ADGRG4: variants seen among roughly 807,000 people sequenced by gnomAD.
The protein encoded by ADGRG4 is G protein-coupled receptor 112.
A neutral mutation model predicts 126.2 loss-of-function variants in ADGRG4; 122 were observed. The observed-to-expected ratio is 0.97, with a 90% CI of 0.83 to 1.12. The LOEUF (loss-of-function observed/expected upper bound fraction) is 1.12. Ranked by LOEUF, ADGRG4 falls within the 50% of genes most tolerant of loss-of-function variation. The pLI, the probability that ADGRG4 is intolerant of heterozygous loss-of-function variation, is 0.00. For missense variants in ADGRG4, 2,481 were observed against 2,251.8 expected, an observed-to-expected ratio of 1.10 and a Z score of -2.06; for synonymous variants, 943 against 838.7, an observed-to-expected ratio of 1.12 and a Z score of -2.15.
intron 10 of ADGRG4, 34 bp from the exon 11 acceptor site, chrX:136,359,258 T>A: frequency 8.5e-7 from 1 of 1,169,985 alleles, no homozygotes; most frequent in Non-Finnish European, 1.1e-6. Context: ...TTGACATAAC[T>A]GCAACAATCT....
intron 7 of ADGRG4, among the ~76,000 whole-genome samples, chrX:136,352,446 G>A (rs2075068491): frequency 1.8e-5 from 2 of 109,908 alleles, no homozygotes; most frequent in Admixed American, 2.0e-4. Context: ...CAAAAGGATT[G>A]CGTGAGCCAA....
chrX:136,370,815 C>G (rs982465210), intron 13 of ADGRG4, among the ~76,000 whole-genome samples: 1 of 111,475 alleles, frequency 9.0e-6, no homozygotes, highest in African/African-American at 3.3e-5. Flanking sequence ...AAAAAGTGGG[C>G]GAGTTAATAT....
At chrX:136,328,177 G>C (rs1443470131) in intron 5 of ADGRG4, among the ~76,000 whole-genome samples, 2 of 110,911 alleles carry the variant, frequency 1.8e-5, no homozygotes, top group East Asian at 2.8e-4. Context: ...GATTCTTTTG[G>C]GGGGAGGCTG....
chrX:136,350,506 G>A, intron 6 of ADGRG4, 73 bp downstream of exon 6: 1 of 1,039,702 alleles, frequency 9.6e-7, no homozygotes, highest in Non-Finnish European at 1.3e-6. Context: ...TCTCCAAAGT[G>A]GCCCGTTCTT....
At chrX:136,305,218 C>T (rs1030809510) in intron 3 of ADGRG4, among the ~76,000 whole-genome samples, 195 bp downstream of exon 3, 2 of 111,902 alleles carry the variant, frequency 1.8e-5, no homozygotes, top group Middle Eastern at 4.6e-3. Flanking sequence ...ACACCTCCTC[C>T]TTCTCCATTC....
intron 5 of ADGRG4, among the ~76,000 whole-genome samples, chrX:136,331,546 AAGG>A (rs1404533032): frequency 8.9e-6 from 1 of 112,362 alleles, no homozygotes; most frequent in East Asian, 2.8e-4. Flanking sequence ...AGCAATGTAT[AAGG>A]GATCTAGTTT....
At chrX:136,413,653 T>A (rs4829597) in intron 24 of ADGRG4, among the ~76,000 whole-genome samples, 15 of 110,405 alleles carry the variant, frequency 1.4e-4, no homozygotes, top group African/African-American at 1.6e-4. Context: ...ACAAACCTAC[T>A]TCTTACAACT....
chrX:136,399,739 A>G, intron 20 of ADGRG4, 109 bp from the exon 21 acceptor site: 4 of 677,546 alleles, frequency 5.9e-6, no homozygotes, highest in Non-Finnish European at 6.5e-6. Context: ...ATAAGCAAAG[A>G]TGAGTAATTC....
At chrX:136,396,610 A>AAGAGAG (rs1193246292) in intron 19 of ADGRG4, among the ~76,000 whole-genome samples, 2 of 101,582 alleles carry the variant, frequency 2.0e-5, no homozygotes, top group African/African-American at 3.6e-5. Flanking sequence ...AAAAAAAAAA[A>AAGAGAG]AGAGAGAGAG....
At chrX:136,363,638 A>AT (rs760657244) in intron 13 of ADGRG4, 43 bp downstream of exon 13, 3 of 887,033 alleles carry the variant, frequency 3.4e-6, no homozygotes, top group Non-Finnish European at 5.0e-6. Flanking sequence ...TGGAACTTCA[A>AT]TTACTTTGCC....
In ADGRG4 at chrX:136,332,091, A is replaced by G. The variant is rs1269155198; in HGVS notation, c.685+8699A>G. On this transcript the variant is annotated intron_variant, in intron 5 of 25. Coordinates refer to ENST00000394143, the MANE Select transcript of ADGRG4 (RefSeq NM_153834.4). ...ACATATGTATACATGTGCCATGCTG[A>G]TGCGCTGCACACACTAACTCGTCAT... 5.6e-5 allele frequency among the ~76,000 whole-genome samples: 6 copies of G among 108,003 alleles called. No homozygotes were observed. In the East Asian group the frequency reaches 1.2e-3, roughly 21 times the overall value. The allele number at this position is 108,003 out of a possible 115,157, so 93.8% of individuals were successfully genotyped here. A position where few individuals can be genotyped will look rare whatever the true frequency, so the allele number is the denominator to read the frequency against.
intron 13 of ADGRG4, among the ~76,000 whole-genome samples, chrX:136,369,560 G>C (rs1476022353): frequency 8.9e-6 from 1 of 112,212 alleles, no homozygotes; most frequent in East Asian, 2.8e-4. Context: ...GGGACTACGT[G>C]AAAGTGAAAT....
At chrX:136,309,952 T>C (rs1205760537) in intron 4 of ADGRG4, among the ~76,000 whole-genome samples, 2 of 111,054 alleles carry the variant, frequency 1.8e-5, no homozygotes, top group African/African-American at 6.5e-5. Flanking sequence ...TCAACATCTG[T>C]ATGGTGGTGG....
At position 136,363,918 on chromosome X, in the gene ADGRG4, T is replaced by C. The variant is rs1185831445; in HGVS notation, c.7396+323T>C. ...TCTGCCTCCTAGGTTCAAGCAATTCTCCTGCCTCAGCCTCCCGAGTAGCTG... is the reference window on the plus strand; with the variant it reads ...TCTGCCTCCTAGGTTCAAGCAATTCCCCTGCCTCAGCCTCCCGAGTAGCTG... On this transcript the variant is annotated intron_variant, in intron 13 of 25. Coordinates refer to ENST00000394143, the MANE Select transcript of ADGRG4 (RefSeq NM_153834.4). Among the ~76,000 whole-genome samples the C allele has an allele frequency of 3.6e-5, 4 of 110,733 alleles. No homozygotes were observed. In the Admixed American group the frequency reaches 3.9e-4, roughly 11 times the overall value.
In ADGRG4 at chrX:136,344,485, C is replaced by T. The variant is rs777019845; in HGVS notation, c.779C>T (p.Pro260Leu). ...CCATCCCAAATTACTGGAGTAAAACCACAAAATACTGCACATTCCTCTACA... is the reference window on the plus strand; with the variant it reads ...CCATCCCAAATTACTGGAGTAAAACTACAAAATACTGCACATTCCTCTACA... Reference protein sequence around the residue: ...TTPSQITGVKPQNTAHSSTLL... With the variant: ...TTPSQITGVKLQNTAHSSTLL... The change falls in exon 6 of 26, where the codon CCA becomes CTA. Residue 260 changes from proline to leucine, a missense_variant. Coordinates refer to ENST00000394143, the MANE Select transcript of ADGRG4 (RefSeq NM_153834.4). 1 of 1,203,143 alleles carries T rather than the reference C, an allele frequency of 8.3e-7. No individual in the cohort carries two copies. Among genetic ancestry groups the T allele is most frequent in the South Asian group, 1.8e-5 (1 of 56,600 alleles).
chrX:136,379,141 T>C (rs1193355670), intron 15 of ADGRG4, among the ~76,000 whole-genome samples: 3 of 111,767 alleles, frequency 2.7e-5, no homozygotes, highest in Non-Finnish European at 5.6e-5. Context: ...TTTTTTGATA[T>C]CAAACTAGAT....
chrX:136,304,945 TG>T lies in ADGRG4; in HGVS notation c.-86del, dbSNP rs1375947410. On this transcript the variant is annotated 5_prime_UTR_variant, in exon 3 of 26. Coordinates refer to ENST00000394143, the MANE Select transcript of ADGRG4 (RefSeq NM_153834.4). ...GCAGTGGAGTCCTTGACAGAAGCAG[TG>T]GTGCTGGAACCTGGTGCTAGGCGCT... 8.9e-6 allele frequency: 1 copy of T among 112,456 alleles called. No individual in the cohort carries two copies. Among genetic ancestry groups the T allele is most frequent in the Non-Finnish European group, 1.9e-5 (1 of 53,276 alleles). The allele number at this position is 112,456 out of a possible 1,213,427, so 9.3% of individuals were successfully genotyped here.
At chrX:136,397,491 C>CTTTTTTTTTT (rs1184936316) in intron 19 of ADGRG4, among the ~76,000 whole-genome samples, 295 of 50,448 alleles carry the variant, frequency 5.8e-3, no homozygotes, top group Non-Finnish European at 7.2e-3. Flanking sequence ...AGGAAAAGGA[C>CTTTTTTTTTT]TTTTTTTTTT....
At chrX:136,326,542 G>A (rs2074874462) in intron 5 of ADGRG4, among the ~76,000 whole-genome samples, 1 of 111,344 alleles carries the variant, frequency 9.0e-6, no homozygotes, top group Admixed American at 9.6e-5. Context: ...CCCCCAAAAT[G>A]TTATGCTATG....
Sources: gnomAD v4.1 joint callset for allele counts (sites outside exome capture counted in the v4.1 genomes callset) on GRCh38, gnomAD v4.1.1 for gene constraint, MANE v1.5 for transcripts, NCBI Gene and HGNC (gene_info 2026-07-23, HGNC 2026-07-21) for gene names.